The following PTK2 variants were observed in gnomAD, a reference collection of about 807,000 sequenced individuals.
The protein encoded by PTK2 is protein tyrosine kinase 2, also known as focal adhesion kinase 1.
A neutral mutation model predicts 150.1 loss-of-function variants in PTK2; 45 were observed. The observed-to-expected ratio is 0.30, with a 90% CI of 0.24 to 0.38. The LOEUF (loss-of-function observed/expected upper bound fraction) is 0.38, where lower values mean the gene tolerates loss of function less well. PTK2 is among the 10% of genes least tolerant of loss of function. PTK2 has a pLI of 1.00. For synonymous variants in PTK2, 432 were observed against 449.2 expected (o/e 0.96, Z 0.48); for missense variants, 919 against 1,307.3 (o/e 0.70, Z 4.58).
chr8:140,891,088 A>G (rs546430869), intron 2 of PTK2, among the ~76,000 whole-genome samples: 24 of 139,676 alleles, frequency 1.7e-4, no homozygotes, highest in African/African-American at 5.4e-4. Flanking sequence ...ATAGCCTTTA[A>G]ATTTGTTGGA....
intron 22 of PTK2, among the ~76,000 whole-genome samples, chr8:140,726,054 C>CAAAAATTCTATTACCA: frequency 6.6e-6 from 1 of 152,062 alleles, no homozygotes; most frequent in East Asian, 1.9e-4. Flanking sequence ...AAGAAGCAAA[C>CAAAAATTCTATTACCA]AAAAATTCTA....
At chr8:140,764,517 C>T (rs1336260521) in intron 14 of PTK2, 7 of 533,192 alleles carry the variant, frequency 1.3e-5, no homozygotes, top group Non-Finnish European at 2.3e-5. Flanking sequence ...GGAGAGCAAA[C>T]AGGGCTAACA....
chr8:140,902,777 T>C (rs1359848086), intron 2 of PTK2, among the ~76,000 whole-genome samples: 2 of 152,174 alleles, frequency 1.3e-5, no homozygotes, highest in Admixed American at 6.5e-5. Flanking sequence ...TGTCTGTTCA[T>C]ATCCTTCGCC....
intron 10 of PTK2, among the ~76,000 whole-genome samples, chr8:140,807,946 A>G (rs1257859897): frequency 1.3e-5 from 2 of 152,100 alleles, no homozygotes; most frequent in Admixed American, 1.3e-4. Flanking sequence ...CAAGGCATTG[A>G]GGGGTGGACG....
intron 1 of PTK2, among the ~76,000 whole-genome samples, chr8:140,962,600 C>T (rs2100183719): frequency 7.4e-6 from 1 of 134,982 alleles, no homozygotes; most frequent in Non-Finnish European, 1.7e-5. Flanking sequence ...AGATCGAGAC[C>T]ATCCTGGCTA....
intron 13 of PTK2, among the ~76,000 whole-genome samples, chr8:140,791,031 C>T (rs2100088124): frequency 6.6e-6 from 1 of 152,138 alleles, no homozygotes; most frequent in Non-Finnish European, 1.5e-5. Context: ...ATAATGGTGT[C>T]CTGCTGCTAT....
chr8:140,793,214 T>C (rs1393088271), intron 13 of PTK2, 140 bp downstream of exon 13: 4 of 956,246 alleles, frequency 4.2e-6, no homozygotes, highest in Admixed American at 3.1e-5. Flanking sequence ...ACTGACTTGA[T>C]TTCTTTCTAG....
At chr8:140,714,525 G>T (rs1004308028) in intron 23 of PTK2, among the ~76,000 whole-genome samples, 1 of 151,366 alleles carries the variant, frequency 6.6e-6, no homozygotes, top group African/African-American at 2.4e-5. Flanking sequence ...AGCCGGGCGT[G>T]GTGGTTCACA....
chr8:140,770,664 C>A (rs2100074961), intron 14 of PTK2, 52 bp downstream of exon 15: 2 of 983,858 alleles, frequency 2.0e-6, no homozygotes, highest in Non-Finnish European at 2.7e-6. Flanking sequence ...GAGTTAGTTT[C>A]TCTGGAGTGC....
In PTK2 at chr8:140,957,973, T is replaced by C. The variant is rs754806131; in HGVS notation, c.-121-32224A>G. Among the ~76,000 whole-genome samples, 15 of 152,360 alleles carry C rather than the reference T, an allele frequency of 9.8e-5. No individual in the cohort carries two copies. The South Asian group carries it at 1.0e-3, about 11-fold the overall frequency. On this transcript the variant is annotated intron_variant, in intron 1 of 31. Coordinates refer to ENST00000522684, the Ensembl canonical transcript of PTK2. Reference sequence around the variant, plus strand: ...AAAGAAAAAGACAAATCCACAGTGATAGATTTTATTTCATTTATCTCTCAT... The same window carrying C: ...AAAGAAAAAGACAAATCCACAGTGACAGATTTTATTTCATTTATCTCTCAT...
chr8:140,862,872 A>G (rs1024197252), intron 5 of PTK2, among the ~76,000 whole-genome samples: 1 of 152,142 alleles, frequency 6.6e-6, no homozygotes, highest in Non-Finnish European at 1.5e-5. Context: ...GGTCTGTAGA[A>G]AAACTGTCCT....
intron 1 of PTK2, among the ~76,000 whole-genome samples, chr8:140,968,170 A>G (rs978932606): frequency 1.3e-5 from 2 of 152,218 alleles, no homozygotes; most frequent in African/African-American, 4.8e-5. Context: ...CCAATACCCT[A>G]AAAGAGGCTG....
rs190910060 is a variant in PTK2, at chr8:140,844,349, T to A, written c.593+1911A>T. ...ATGTAGCTCATACGTTAGAGGTGGG[T>A]TTTATGCTCCACCTCCTTTGAGAGA... On this transcript the variant is annotated intron_variant, in intron 7 of 31. Transcript: ENST00000522684. 7.7e-4 allele frequency among the ~76,000 whole-genome samples: 118 copies of A among 152,332 alleles called. 1 individual carries two copies. The highest frequency in any genetic ancestry group is 7.2e-3 in the Admixed American group (110 of 15,298).
At chr8:140,760,368 A>G (rs947119351) in intron 16 of PTK2, among the ~76,000 whole-genome samples, 4 of 152,250 alleles carry the variant, frequency 2.6e-5, no homozygotes, top group Non-Finnish European at 5.9e-5. Flanking sequence ...AAGGTGGTCT[A>G]TATCTATACA....
At chr8:140,794,984 C>A (rs2100090759) in intron 12 of PTK2, among the ~76,000 whole-genome samples, 1 of 152,178 alleles carries the variant, frequency 6.6e-6, no homozygotes, top group South Asian at 2.1e-4. Flanking sequence ...TCAGGTGGAA[C>A]CAGCAGTCAT....
At chr8:140,864,960 ATC>A (rs1178014314) in intron 4 of PTK2, among the ~76,000 whole-genome samples, 3 of 152,232 alleles carry the variant, frequency 2.0e-5, no homozygotes, top group Non-Finnish European at 4.4e-5. Context: ...TAACAAATAC[ATC>A]CATTAGCTTT....
chr8:140,728,969 G>A (rs2100047566), intron 22 of PTK2, among the ~76,000 whole-genome samples: 1 of 152,076 alleles, frequency 6.6e-6, no homozygotes, highest in Non-Finnish European at 1.5e-5. Context: ...CTCTCAAGGT[G>A]TTGCTATAAT....
intron 16 of PTK2, 32 bp from the exon 20 acceptor site, chr8:140,752,348 C>T: frequency 6.3e-7 from 1 of 1,585,344 alleles, no homozygotes; most frequent in Non-Finnish European, 8.6e-7. Flanking sequence ...ATCACACACA[C>T]ATGCAAAAAG....
intron 27 of PTK2, among the ~76,000 whole-genome samples, chr8:140,681,536 C>T (rs764008156): frequency 4.6e-5 from 7 of 151,272 alleles, no homozygotes; most frequent in East Asian, 1.9e-4. Context: ...CTTTGGGAGG[C>T]GGAGGCGGGC....
Sources: gnomAD v4.1 joint callset for allele counts (sites outside exome capture counted in the v4.1 genomes callset) on GRCh38, gnomAD v4.1.1 for gene constraint, MANE v1.5 for transcripts, NCBI Gene and HGNC (gene_info 2026-07-23, HGNC 2026-07-21) for gene names.